The following ZHX3 variants were observed in gnomAD, a reference collection of about 807,000 sequenced individuals.
ZHX3 encodes zinc fingers and homeoboxes 3.
A neutral mutation model predicts 64.5 loss-of-function variants in ZHX3; 20 were observed. That is an observed-to-expected ratio of 0.31 (90% CI 0.22 to 0.45). The LOEUF (loss-of-function observed/expected upper bound fraction) is 0.45, where lower values mean the gene tolerates loss of function less well. Ranked by LOEUF, ZHX3 falls within the 20% of genes least tolerant of loss-of-function variation. The pLI is 1.00. For missense variants in ZHX3, 1,041 were observed against 1,195.8 expected, an observed-to-expected ratio of 0.87 and a Z score of 1.91; for synonymous variants, 423 against 461.6, an observed-to-expected ratio of 0.92 and a Z score of 1.07.
At chr20:41,295,624 T>C (rs992367442) in intron 1 of ZHX3, among the ~76,000 whole-genome samples, 3 of 152,072 alleles carry the variant, frequency 2.0e-5, no homozygotes, top group African/African-American at 7.2e-5. Context: ...CCCAGCACTT[T>C]GGGGAGGTCG....
chr20:41,202,212 T>C lies in ZHX3; in HGVS notation c.2705A>G (p.Gln902Arg). The change falls in exon 3 of 4, where the codon CAG becomes CGG. Residue 902 changes from glutamine to arginine, a missense_variant. Coordinates refer to ENST00000683867, the MANE Select transcript of ZHX3 (RefSeq NM_001384317.1). This position sits in a 1 kb window ranked among gnomAD's most constrained non-coding sequence, Gnocchi z 7.0. ...RAVADTGSED[Q>R]GPGTGELTAV... ...TGTGAGCTCACCAGTACCAGGGCCC[T>C]GGTCCTCACTGCCTGTGTCTGCCAC... 6.2e-7 allele frequency: 1 copy of C among 1,614,140 alleles called. No homozygotes were observed. Among genetic ancestry groups the C allele is most frequent in the African/African-American group, 1.3e-5 (1 of 75,036 alleles).
rs934935890 is a variant in ZHX3, at chr20:41,201,907, G to A, written c.2860+150C>T. ...TATATTCCTATGGCTTCTGCTGCTA[G>A]TTGTCCTCTGAAGCAGCCAGGCGGT... is the stretch of plus-strand genomic sequence containing the variant. On this transcript the variant is annotated intron_variant, in intron 3 of 3. Transcript: ENST00000683867. This position sits in a 1 kb window ranked among gnomAD's most constrained non-coding sequence, Gnocchi z 5.0. The A allele has an allele frequency of 1.1e-6, 1 of 912,686 alleles. No individual in the cohort carries two copies. The highest frequency in any genetic ancestry group is 2.7e-5 in the East Asian group (1 of 37,052). 56.5% of individuals were successfully genotyped at this position (912,686 alleles called of 1,614,324 possible). A position where few individuals can be genotyped will look rare whatever the true frequency, so the allele number is the denominator to read the frequency against.
chr20:41,283,738 C>T (rs1483558368), intron 1 of ZHX3, among the ~76,000 whole-genome samples: 3 of 145,580 alleles, frequency 2.1e-5, no homozygotes, highest in African/African-American at 5.3e-5. Flanking sequence ...GCCTGGGCGA[C>T]AGAACGAGTC....
chr20:41,271,114 A>AAGTCCAAGCATTTCTCCTGCCTC (rs2043126598), intron 1 of ZHX3, among the ~76,000 whole-genome samples: 1 of 152,126 alleles, frequency 6.6e-6, no homozygotes, highest in Non-Finnish European at 1.5e-5. Flanking sequence ...TCCGCCTCCC[A>AAGTCCAAGCATTTCTCCTGCCTC]AGTCCAAGCA....
At chr20:41,307,434 A>G (rs1170205859) in intron 1 of ZHX3, among the ~76,000 whole-genome samples, 1 of 152,082 alleles carries the variant, frequency 6.6e-6, no homozygotes. Flanking sequence ...TATACATCCC[A>G]TTATCATTCT....
intron 2 of ZHX3, among the ~76,000 whole-genome samples, chr20:41,245,660 TC>T (rs1431446274): frequency 6.6e-6 from 1 of 152,226 alleles, no homozygotes; most frequent in Non-Finnish European, 1.5e-5. Context: ...GTCTTTCTTT[TC>T]CTGTGCTATA....
At position 41,243,517 on chromosome 20, in the gene ZHX3, C is replaced by A. The variant is rs374573654; in HGVS notation, c.-151+25473G>T. 2.6e-5 allele frequency among the ~76,000 whole-genome samples: 4 copies of A among 152,048 alleles called. No homozygotes were observed. In the East Asian group the frequency reaches 7.7e-4, roughly 29 times the overall value. On this transcript the variant is annotated intron_variant, in intron 2 of 3. Coordinates refer to ENST00000683867, the MANE Select transcript of ZHX3 (RefSeq NM_001384317.1). ...GAAATGGATATTATTTCTGTCTTAC[C>A]TATGTGGAAGCTAAATAAAGCTCAG...
At chr20:41,309,044 A>G (rs774925261) in intron 1 of ZHX3, among the ~76,000 whole-genome samples, 3 of 152,120 alleles carry the variant, frequency 2.0e-5, no homozygotes, top group Non-Finnish European at 4.4e-5. Context: ...GTATTCAGAG[A>G]CCACCGAGGC....
rs2036159715 is a variant in ZHX3 at position 41,179,296 on chromosome 20, C to A, written c.*5895G>T. On this transcript the variant is annotated 3_prime_UTR_variant, in exon 4 of 4. Transcript: ENST00000683867. This position sits in a 1 kb window ranked among gnomAD's most constrained non-coding sequence, Gnocchi z 4.3. ...CAGGGGTGACTGCTTCTCCCCTGGC[C>A]CCGACCCAGTCTAACCGAGAACAAC... 1 of 152,142 alleles carries A rather than the reference C, an allele frequency of 6.6e-6. No individual in the cohort carries two copies. The highest frequency in any genetic ancestry group is 1.5e-5 in the Non-Finnish European group (1 of 68,052). The allele number at this position is 152,142 out of a possible 1,614,324, so 9.4% of individuals were successfully genotyped here. A position where few individuals can be genotyped will look rare whatever the true frequency, so the allele number is the denominator to read the frequency against.
chr20:41,220,203 C>T (rs774662406), intron 2 of ZHX3, among the ~76,000 whole-genome samples: 1 of 152,246 alleles, frequency 6.6e-6, no homozygotes, highest in Non-Finnish European at 1.5e-5. Context: ...CTCTGTCTTC[C>T]GGGGAACTTG....
At chr20:41,188,352 A>G (rs1263395443) in intron 3 of ZHX3, 3 of 148,464 alleles carry the variant, frequency 2.0e-5, no homozygotes, top group African/African-American at 7.4e-5. Flanking sequence ...GGCCATGTGT[A>G]TGTCTTCTTT....
chr20:41,194,324 G>T (rs2037301242), intron 3 of ZHX3, among the ~76,000 whole-genome samples: 1 of 152,076 alleles, frequency 6.6e-6, no homozygotes. Flanking sequence ...CTTTCTGCTT[G>T]AATTAGGATG....
chr20:41,276,534 G>A (rs1022830364), intron 1 of ZHX3, among the ~76,000 whole-genome samples: 16 of 152,170 alleles, frequency 1.1e-4, no homozygotes, highest in East Asian at 3.8e-4. Flanking sequence ...TGGGTTCCCC[G>A]AGCTCTCTCA....
intron 1 of ZHX3, among the ~76,000 whole-genome samples, chr20:41,282,346 T>C (rs1197205979): frequency 7.0e-6 from 1 of 142,514 alleles, no homozygotes; most frequent in Non-Finnish European, 1.5e-5. Flanking sequence ...TAGAGGTCCA[T>C]TAGACACAAT....
Position 41,182,453 on chromosome 20 carries a change from T to C in ZHX3, c.*2738A>G, listed in dbSNP as rs991089065. On this transcript the variant is annotated 3_prime_UTR_variant, in exon 4 of 4. Coordinates refer to ENST00000683867, the MANE Select transcript of ZHX3 (RefSeq NM_001384317.1). The surrounding 1 kb of genome is among the most constrained non-coding windows in gnomAD (Gnocchi z 6.1). ...GTGACAGGGCTACATACCTGGCTGC[T>C]GCCATCCCACATCCCCCACTGCCAC... is the stretch of plus-strand genomic sequence containing the variant. 1.3e-5 allele frequency: 2 copies of C among 152,292 alleles called. No individual in the cohort carries two copies. The highest frequency in any genetic ancestry group is 2.9e-5 in the Non-Finnish European group (2 of 68,088). The allele number at this position is 152,292 out of a possible 1,614,324, so 9.4% of individuals were successfully genotyped here. A position where few individuals can be genotyped will look rare whatever the true frequency, so the allele number is the denominator to read the frequency against.
At chr20:41,275,351 T>C (rs1338231913) in intron 1 of ZHX3, among the ~76,000 whole-genome samples, 1 of 152,190 alleles carries the variant, frequency 6.6e-6, no homozygotes, top group Non-Finnish European at 1.5e-5. Context: ...TGGCAGAGCA[T>C]GTTAGCTAAC....
At chr20:41,278,812 AC>A (rs746171487) in intron 1 of ZHX3, among the ~76,000 whole-genome samples, 8 of 133,064 alleles carry the variant, frequency 6.0e-5, no homozygotes, top group Non-Finnish European at 1.1e-4. Context: ...TCCCTCTGTC[AC>A]CCAGGCTGGA....
intron 3 of ZHX3, among the ~76,000 whole-genome samples, chr20:41,190,431 A>G (rs2036917154): frequency 1.3e-5 from 2 of 152,210 alleles, no homozygotes; most frequent in South Asian, 4.1e-4. Flanking sequence ...TTGACCTCCC[A>G]AAGTGCTGGA....
rs748098050 is a variant in ZHX3, at chr20:41,201,827, C to T, written c.2860+230G>A. Among the ~76,000 whole-genome samples the T allele has an allele frequency of 3.3e-5, 5 of 152,168 alleles. No homozygotes were observed. The highest frequency in any genetic ancestry group is 5.9e-5 in the Non-Finnish European group (4 of 68,032). On this transcript the variant is annotated intron_variant, in intron 3 of 3. Transcript: ENST00000683867. The surrounding 1 kb of genome is among the most constrained non-coding windows in gnomAD (Gnocchi z 5.0). ...TAGGGTCACCATGTTCCTTCCCCTG[C>T]GCAGGTTTTTAAAAACACATGAAAC...
Sources: allele counts gnomAD v4.1 joint callset (sites outside exome capture counted in the v4.1 genomes callset), GRCh38; gene constraint gnomAD v4.1.1; non-coding constraint Gnocchi (gnomAD v3.1); transcripts MANE v1.5; gene names NCBI Gene and HGNC (gene_info 2026-07-23, HGNC 2026-07-21).